Variants in PPP2R2C observed in about 807,000 individuals in gnomAD.
PPP2R2C encodes protein phosphatase 2 regulatory subunit Bgamma.
PPP2R2C carries 10 observed loss-of-function variants against 45.3 expected under a neutral mutation model. The ratio of observed to expected loss-of-function variants is 0.22; its 90% CI spans 0.14 to 0.37. The LOEUF is 0.37. Among genes scored for constraint, PPP2R2C ranks in the 10% least tolerant of loss-of-function variants. The probability of loss-of-function intolerance (pLI) is 1.00; values close to 1 mark genes in which losing one functional copy is unlikely to be tolerated. For missense variants in PPP2R2C, 308 were observed against 619.7 expected (o/e 0.50, Z 5.34); for synonymous variants, 257 against 245.4 (o/e 1.05, Z -0.44).
intron 1 of PPP2R2C, among the ~76,000 whole-genome samples, chr4:6,411,567 T>C (rs1252164773): frequency 6.6e-6 from 1 of 151,364 alleles, no homozygotes; most frequent in African/African-American, 2.4e-5. Flanking sequence ...TTTTTTTTTT[T>C]TTTGAGAGGG....
intron 1 of PPP2R2C, chr4:6,414,071 T>A: frequency 1.8e-6 from 2 of 1,095,362 alleles, no homozygotes; most frequent in Non-Finnish European, 2.3e-6. Context: ...AAGTTTTGCC[T>A]GTGTATGTGT....
chr4:6,360,550 G>A (rs1275612600), intron 5 of PPP2R2C, among the ~76,000 whole-genome samples: 1 of 152,226 alleles, frequency 6.6e-6, no homozygotes, highest in Non-Finnish European at 1.5e-5. Flanking sequence ...TAGGGATGGA[G>A]GCAGCCCTGC....
At chr4:6,501,062 T>C (rs1723035880) in intron 2 of PPP2R2C, among the ~76,000 whole-genome samples, 1 of 152,222 alleles carries the variant, frequency 6.6e-6, no homozygotes, top group Non-Finnish European at 1.5e-5. Context: ...AGAGAATCAT[T>C]GTGATCCAAG....
chr4:6,428,875 G>A (rs537064091), intron 1 of PPP2R2C, among the ~76,000 whole-genome samples: 196 of 152,354 alleles, frequency 1.3e-3, no homozygotes, highest in African/African-American at 4.5e-3. Flanking sequence ...AGCGGGTTTC[G>A]AACCCAGGTC....
chr4:6,549,740 G>A (rs1044657786), intron 1 of PPP2R2C, among the ~76,000 whole-genome samples: 13 of 152,206 alleles, frequency 8.5e-5, no homozygotes, highest in Admixed American at 5.9e-4. Flanking sequence ...TGGAGCCCAC[G>A]GATGAGCTTT....
chr4:6,400,711 G>A (rs1332153008), intron 1 of PPP2R2C, among the ~76,000 whole-genome samples: 1 of 152,222 alleles, frequency 6.6e-6, no homozygotes, highest in Non-Finnish European at 1.5e-5. Flanking sequence ...GCCCATCCAA[G>A]CCTCTCCCAT....
At chr4:6,371,145 T>G (rs555823893) in intron 5 of PPP2R2C, among the ~76,000 whole-genome samples, 5 of 151,904 alleles carry the variant, frequency 3.3e-5, no homozygotes, top group South Asian at 2.1e-4. Context: ...GAGAGGGAGG[T>G]GAGTGTACTC....
rs1196736404 is a variant in PPP2R2C, at chr4:6,345,523, T to C, written c.790+2323A>G. On this transcript the variant is annotated intron_variant, in intron 6 of 8. Transcript: ENST00000382599. This position sits in a 1 kb window ranked among gnomAD's most constrained non-coding sequence, Gnocchi z 5.3. ...AACAAGGCGATCACAAGGGCCTTTATACGCGAAAGACAGACAGGAGGGTCA... is the reference window on the plus strand; with the variant it reads ...AACAAGGCGATCACAAGGGCCTTTACACGCGAAAGACAGACAGGAGGGTCA... 1.3e-5 allele frequency among the ~76,000 whole-genome samples: 2 copies of C among 152,168 alleles called. No homozygotes were observed. The highest frequency in any genetic ancestry group is 2.9e-5 in the Non-Finnish European group (2 of 68,030).
At chr4:6,442,628 G>A (rs558827177) in intron 1 of PPP2R2C, among the ~76,000 whole-genome samples, 6 of 152,298 alleles carry the variant, frequency 3.9e-5, no homozygotes, top group South Asian at 4.1e-4. Flanking sequence ...CACTTCCTGC[G>A]TACCAGGCAC....
intron 5 of PPP2R2C, among the ~76,000 whole-genome samples, chr4:6,355,077 A>G (rs1713025166): frequency 6.6e-6 from 1 of 152,222 alleles, no homozygotes; most frequent in South Asian, 2.1e-4. Flanking sequence ...AGCATTAATC[A>G]CTGCTTATTA....
intron 1 of PPP2R2C, among the ~76,000 whole-genome samples, chr4:6,430,019 C>A (rs978615600): frequency 1.3e-5 from 2 of 152,190 alleles, no homozygotes; most frequent in Admixed American, 1.3e-4. Context: ...CTGAATGCTC[C>A]AGTTTTCTAA....
rs140993814 is a variant in PPP2R2C, at chr4:6,558,130, C to T, written c.-59+5430G>A. Among the ~76,000 whole-genome samples the T allele has an allele frequency of 1.1e-3, 174 of 152,336 alleles. 1 individual carries two copies. Among genetic ancestry groups the T allele is most frequent in the Admixed American group, 3.2e-3 (49 of 15,308 alleles). On this transcript the variant is annotated intron_variant, in intron 1 of 9. Transcript: ENST00000506140. ...CCAACCTCACCACATGTCACAGCAT[C>T]ACCTGCAAAGTGGCTGTGATGATCG...
intron 1 of PPP2R2C, among the ~76,000 whole-genome samples, chr4:6,460,345 G>A (rs760481225): frequency 5.9e-5 from 9 of 152,216 alleles, no homozygotes; most frequent in South Asian, 2.1e-4. Context: ...ACACAGTAGG[G>A]AGATGTTCAT....
At chr4:6,373,541 C>T (rs575414860) in intron 4 of PPP2R2C, among the ~76,000 whole-genome samples, 2 of 152,176 alleles carry the variant, frequency 1.3e-5, no homozygotes, top group South Asian at 2.1e-4. Context: ...GCTACGGGAG[C>T]AAGGCGTCAC....
At chr4:6,337,781 G>A (rs980307222) in intron 6 of PPP2R2C, among the ~76,000 whole-genome samples, 3 of 150,828 alleles carry the variant, frequency 2.0e-5, no homozygotes, top group Admixed American at 6.6e-5. Context: ...AAAGCCAAAC[G>A]GCGCTGGCCC....
chr4:6,428,004 A>G (rs1175099210), intron 1 of PPP2R2C, among the ~76,000 whole-genome samples: 1 of 152,242 alleles, frequency 6.6e-6, no homozygotes, highest in Non-Finnish European at 1.5e-5. Context: ...ACAGCAGAAC[A>G]GCTGGGGTGC....
At chr4:6,543,838 C>T (rs1411171889) in intron 1 of PPP2R2C, among the ~76,000 whole-genome samples, 1 of 152,304 alleles carries the variant, frequency 6.6e-6, no homozygotes, top group Middle Eastern at 3.4e-3. Flanking sequence ...AAGATACAGC[C>T]CCAAGCAGTA....
chr4:6,382,251 C>T (rs909434539), intron 1 of PPP2R2C: 5 of 1,225,340 alleles, frequency 4.1e-6, no homozygotes, highest in Admixed American at 5.7e-5. Flanking sequence ...TGGCCCGCTG[C>T]TGTGAATGGG....
chr4:6,419,679 G>A (rs4689440), intron 1 of PPP2R2C, among the ~76,000 whole-genome samples: 34,086 of 152,018 alleles, frequency 0.22, 4,377 homozygotes, highest in Admixed American at 0.36. Context: ...ACAGACAGCT[G>A]GAAAACAATC....
Sources: allele counts gnomAD v4.1 joint callset (sites outside exome capture counted in the v4.1 genomes callset), GRCh38; gene constraint gnomAD v4.1.1; non-coding constraint Gnocchi (gnomAD v3.1); transcripts MANE v1.5; gene names NCBI Gene and HGNC (gene_info 2026-07-23, HGNC 2026-07-21).